RALGDS: variants seen among roughly 807,000 people sequenced by gnomAD.
The protein encoded by RALGDS is ral guanine nucleotide dissociation stimulator, also known as ral guanine nucleotide exchange factor.
Under a neutral mutation model 99.8 loss-of-function variants are expected in RALGDS, and 44 were observed. The ratio of observed to expected loss-of-function variants is 0.44; its 90% confidence interval spans 0.35 to 0.57. The LOEUF is 0.57. Among genes scored for constraint, RALGDS ranks in the 20% least tolerant of loss-of-function variants. The pLI is 0.01. For synonymous variants in RALGDS, 529 were observed against 505.0 expected (o/e 1.05, Z -0.64); for missense variants, 1,022 against 1,203.1 (o/e 0.85, Z 2.23).
At chr9:133,109,981 C>T (rs1210921372) in intron 3 of RALGDS, among the ~76,000 whole-genome samples, 1 of 152,190 alleles carries the variant, frequency 6.6e-6, no homozygotes, top group African/African-American at 2.4e-5. Context: ...GGGAAAACTG[C>T]TTCGCCCAAG....
upstream of RALGDS, among the ~76,000 whole-genome samples, chr9:133,122,473 T>C (rs1016313441): frequency 2.6e-5 from 4 of 152,170 alleles, no homozygotes; most frequent in African/African-American, 4.8e-5. Flanking sequence ...CACGAGCACA[T>C]CTTGCCCCCT....
intron 1 of RALGDS, among the ~76,000 whole-genome samples, chr9:133,118,473 C>G (rs977642410): frequency 6.6e-6 from 1 of 152,240 alleles, no homozygotes; most frequent in African/African-American, 2.4e-5. Context: ...TCTGTGCAAT[C>G]TAATTCACCT....
chr9:133,132,520 C>T (rs1223963975), upstream of RALGDS, among the ~76,000 whole-genome samples: 2 of 152,196 alleles, frequency 1.3e-5, no homozygotes, highest in Non-Finnish European at 2.9e-5. Context: ...AAAGTGTGAC[C>T]TCGCAGCCTA....
At chr9:133,109,545 C>G (rs1191566116) in intron 4 of RALGDS, 81 bp downstream of exon 4, 5 of 1,320,272 alleles carry the variant, frequency 3.8e-6, no homozygotes, top group Non-Finnish European at 4.4e-6. Flanking sequence ...CAGCCAGCCC[C>G]GGCTCCGGCC....
intron 6 of RALGDS, 138 bp from the exon 7 acceptor site, chr9:133,107,438 T>A: frequency 1.2e-6 from 1 of 814,628 alleles, no homozygotes; most frequent in Non-Finnish European, 2.0e-6. Flanking sequence ...AGCACACAAG[T>A]GACCCGGGAC....
At chr9:133,118,340 G>A (rs531523006) in intron 1 of RALGDS, among the ~76,000 whole-genome samples, 21 of 152,320 alleles carry the variant, frequency 1.4e-4, no homozygotes, top group South Asian at 1.0e-3. Flanking sequence ...GTGGGAAGAC[G>A]CGGGAGGCTG....
In RALGDS at chr9:133,129,204, G is replaced by A. The variant is rs372077085; in HGVS notation, c.132+1748C>T. 68 of 1,597,214 alleles carry A rather than the reference G, an allele frequency of 4.3e-5. No individual in the cohort carries two copies. In the African/African-American group the frequency reaches 6.3e-4, roughly 15 times the overall value. ...GTCGGGCTTTGGAGAGCGGCACGACGGGCGACGGCCCTTCTCCTGGCGGTC... is the reference window on the plus strand; with the variant it reads ...GTCGGGCTTTGGAGAGCGGCACGACAGGCGACGGCCCTTCTCCTGGCGGTC... On this transcript the variant is annotated intron_variant, in intron 1 of 17. Coordinates refer to the RALGDS transcript ENST00000372062.
chr9:133,100,913 C>T (rs866288732), intron 16 of RALGDS: 27 of 1,048,116 alleles, frequency 2.6e-5, no homozygotes, highest in South Asian at 6.8e-5. Flanking sequence ...GGGTCAGGAG[C>T]GTGTGTGAAT....
Position 133,112,085 on chromosome 9 carries a change from A to C in RALGDS, c.251T>G (p.Val84Gly), listed in dbSNP as rs1446223994. 5 of 1,585,812 alleles carry C rather than the reference A, an allele frequency of 3.2e-6. No homozygotes were observed. The highest frequency in any genetic ancestry group is 4.3e-6 in the Non-Finnish European group (5 of 1,165,178). The change falls in exon 2 of 18, where the codon GTG (valine) becomes GGG (glycine). Residue 84 changes from valine (V) to glycine (G), a missense_variant. Val to Gly is a moderately radical substitution (Grantham distance 109, BLOSUM62 -3). Coordinates refer to ENST00000372050, the MANE Select transcript of RALGDS (RefSeq NM_006266.4). ...GVIYSISLRKVQLHHGGNKGQ... is the reference protein window; with the variant it reads ...GVIYSISLRKGQLHHGGNKGQ... ...CTTGTTGCCTCCGTGGTGCAGCTGC[A>C]CCTTGCGCAGGGAGATGGAGTAGAT...
At chr9:133,123,542 G>A (rs1832021887), upstream of RALGDS, among the ~76,000 whole-genome samples, 2 of 152,174 alleles carry the variant, frequency 1.3e-5, no homozygotes, top group South Asian at 4.1e-4. Flanking sequence ...GCCAGGGCGG[G>A]GGAGGGCGTT....
intron 1 of RALGDS, among the ~76,000 whole-genome samples, chr9:133,130,604 A>G (rs1368487275): frequency 1.3e-5 from 2 of 152,208 alleles, no homozygotes; most frequent in Non-Finnish European, 2.9e-5. Context: ...TGGCTTTTAG[A>G]ATAATTTACT....
In RALGDS at chr9:133,144,658, C is replaced by T. The variant is rs1166670863; in HGVS notation, c.18+4305G>A. Among the ~76,000 whole-genome samples, 1 of 152,344 alleles carries T rather than the reference C, an allele frequency of 6.6e-6. No homozygotes were observed. Among genetic ancestry groups the T allele is most frequent in the Non-Finnish European group, 1.5e-5 (1 of 68,028 alleles). ...GAGGAGCAGGCGGGCTCCGCTCACG[C>T]CCCCACACCCCCTGGCTGGGGGCTG... is the stretch of plus-strand genomic sequence containing the variant. On this transcript the variant is annotated intron_variant, in intron 1 of 17. Coordinates refer to the RALGDS transcript ENST00000393160. This position sits in a 1 kb window ranked among gnomAD's most constrained non-coding sequence, Gnocchi z 4.5.
In RALGDS at chr9:133,101,741, A is replaced by C; in HGVS notation, c.2233T>G (p.Ser745Ala). The C allele has an allele frequency of 6.2e-7, 1 of 1,611,718 alleles. No homozygotes were observed. The highest frequency in any genetic ancestry group is 8.5e-7 in the Non-Finnish European group (1 of 1,178,864). ...EKKFWESASQ[S>A]SPETSGISSA... ...CTGATGCCGGAGGTCTCCGGGGATG[A>C]CTGTGAGGCTGATTCCCAGAACTGA... Residue 745 changes from serine (S) to alanine (A), a missense_variant, in exon 16 of 18, where the codon TCA (serine) becomes GCA (alanine). This residue lies in a region of RALGDS where 825 missense variants were observed against 994.5 expected (regional missense o/e 0.83). Coordinates refer to ENST00000372050, the MANE Select transcript of RALGDS (RefSeq NM_006266.4).
intron 9 of RALGDS, 125 bp from the exon 10 acceptor site, chr9:133,104,456 G>T (rs950421944): frequency 1.6e-5 from 14 of 886,010 alleles, no homozygotes; most frequent in African/African-American, 8.3e-5. Context: ...ACTAGTGTGG[G>T]GTCCTGGGCC....
rs566042451 is a variant in RALGDS at position 133,144,001 on chromosome 9, C to A, written c.18+4962G>T. On this transcript the variant is annotated intron_variant, in intron 1 of 17. Coordinates refer to the RALGDS transcript ENST00000393160. The surrounding 1 kb of genome is among the most constrained non-coding windows in gnomAD (Gnocchi z 4.5). ...CGCCTCTGAGGGGCTGTGCTGACCC[C>A]CACCAGGAGCAGCAGGACCACCTCA... is the stretch of plus-strand genomic sequence containing the variant. 3.0e-3 allele frequency among the ~76,000 whole-genome samples: 457 copies of A among 152,114 alleles called. 2 individuals carry two copies. The Middle Eastern group carries it at 0.031, about 10-fold the overall frequency.
In RALGDS at chr9:133,098,720, T is replaced by A; in HGVS notation, c.2612A>T (p.Asn871Ile). 2 of 1,613,600 alleles carry A rather than the reference T, an allele frequency of 1.2e-6. No individual in the cohort carries two copies. Among genetic ancestry groups the A allele is most frequent in the Non-Finnish European group, 1.7e-6 (2 of 1,179,906 alleles). ...GACAAAGTCATAGTTGGCGGTAGAG[T>A]TCATGGCATAGAAGACGTTGGCGTT... ...PENANVFYAM[N>I]STANYDFVLK... Residue 871 changes from asparagine to isoleucine, a missense_variant, in exon 18 of 18, where the codon AAC becomes ATC. Around this residue, in one of 3 missense-constraint regions of RALGDS, gnomAD observed 825 missense variants for 994.5 expected, o/e 0.83. Coordinates refer to ENST00000372050, the MANE Select transcript of RALGDS (RefSeq NM_006266.4).
At chr9:133,103,612 G>T in intron 11 of RALGDS, 135 bp downstream of exon 11, 1 of 943,186 alleles carries the variant, frequency 1.1e-6, no homozygotes, top group Non-Finnish European at 1.7e-6. Flanking sequence ...TCTGTGTTTG[G>T]GCAGCCCTGG....
chr9:133,122,579 C>G (rs1831989993), upstream of RALGDS, among the ~76,000 whole-genome samples: 1 of 152,236 alleles, frequency 6.6e-6, no homozygotes, highest in Non-Finnish European at 1.5e-5. Flanking sequence ...CCCATGTGCA[C>G]ACGACTAGAA....
intron 3 of RALGDS, 100 bp from the exon 4 acceptor site, chr9:133,109,821 T>A: frequency 1.1e-6 from 1 of 897,540 alleles, no homozygotes; most frequent in Non-Finnish European, 1.8e-6. Flanking sequence ...CAAATTATAT[T>A]AAATGCCTAG....
Sources: allele counts gnomAD v4.1 joint callset (sites outside exome capture counted in the v4.1 genomes callset), GRCh38; gene constraint gnomAD v4.1.1; regional missense constraint gnomAD v4.1.1; non-coding constraint Gnocchi (gnomAD v3.1); transcripts MANE v1.5; gene names NCBI Gene and HGNC (gene_info 2026-07-23, HGNC 2026-07-21).